The following PANK2 variants were observed in gnomAD, a reference collection of about 807,000 sequenced individuals.
The protein encoded by PANK2 is pantothenate kinase 2, mitochondrial.
Under a neutral mutation model 43.1 loss-of-function variants are expected in PANK2, and 36 were observed. That is an observed-to-expected ratio of 0.84 (90% CI 0.64 to 1.10). The LOEUF is 1.10. Among genes scored for constraint, PANK2 ranks in the 50% least tolerant of loss-of-function variants. The probability of loss-of-function intolerance (pLI) is 0.00; values close to 1 mark genes in which losing one functional copy is unlikely to be tolerated. For missense variants in PANK2, 576 were observed against 593.3 expected, an observed-to-expected ratio of 0.97 and a Z score of 0.30; for synonymous variants, 281 against 238.2, an observed-to-expected ratio of 1.18 and a Z score of -1.66.
chr20:3,903,001 AC>A (rs2090327016), intron 1 of PANK2, among the ~76,000 whole-genome samples: 1 of 150,266 alleles, frequency 6.7e-6, no homozygotes. Flanking sequence ...ACACACACAC[AC>A]ACACACACAC....
Position 3,910,793 on chromosome 20 carries a change from TA to T in PANK2, c.869del (p.Tyr290PhefsTer50). The T allele has an allele frequency of 2.5e-6, 4 of 1,614,178 alleles. No homozygotes were observed. The highest frequency in any genetic ancestry group is 3.4e-6 in the Non-Finnish European group (4 of 1,180,020). ...CTCAGGGGTTAGCATCTTAGCAGTA[TA>T]TTCCAAAGATAATTACAAACGGGTC... On this transcript the variant is annotated frameshift_variant, in exon 3 of 7. Transcript: ENST00000610179. LOFTEE classifies it high-confidence loss of function.
chr20:3,897,118 G>T lies in PANK2; in HGVS notation c.298+7390G>T, dbSNP rs8114089. Among the ~76,000 whole-genome samples the T allele has an allele frequency of 4.7e-3, 709 of 152,310 alleles. 4 individuals are homozygous for T. The highest frequency in any genetic ancestry group is 7.5e-3 in the Non-Finnish European group (511 of 68,042). ...TGCTGCAGAATTGGTTACTTGCTTT[G>T]TGTGTGGGCTCACAGAAGTCTTCTG... is the stretch of plus-strand genomic sequence containing the variant. On this transcript the variant is annotated intron_variant, in intron 1 of 6. Transcript: ENST00000610179.
Position 3,923,395 on chromosome 20 carries a change from A to G in PANK2, c.*101A>G. ...CAATTTCATGACTGTACTACCTGAA[A>G]CAAAGTGAGAAAGGACAGGTGTATT... On this transcript the variant is annotated 3_prime_UTR_variant, in exon 7 of 7. Transcript: ENST00000610179. 1 of 1,241,840 alleles carries G rather than the reference A, an allele frequency of 8.1e-7. No homozygotes were observed. The highest frequency in any genetic ancestry group is 1.2e-5 in the South Asian group (1 of 82,430). 76.9% of individuals were successfully genotyped at this position (1,241,840 alleles called of 1,614,324 possible).
rs981969968 is a variant in PANK2 at position 3,899,664 on chromosome 20, T to C, written c.299-8262T>C. Reference sequence around the variant, plus strand: ...GTTAGTGTTTTCGAAGTATGTGTTATGTGCATAAGGAACATGGCTATTACA... The same window carrying C: ...GTTAGTGTTTTCGAAGTATGTGTTACGTGCATAAGGAACATGGCTATTACA... On this transcript the variant is annotated intron_variant, in intron 1 of 6. Coordinates refer to ENST00000610179, the MANE Select transcript of PANK2 (RefSeq NM_001386393.1). Among the ~76,000 whole-genome samples, 66 of 151,822 alleles carry C rather than the reference T, an allele frequency of 4.3e-4. No homozygotes were observed. In the Middle Eastern group the frequency reaches 0.01, roughly 23 times the overall value.
Position 3,912,485 on chromosome 20 carries a change from C to T in PANK2, c.933C>T (p.Leu311=), listed in dbSNP as rs1241233168. The T allele has an allele frequency of 6.2e-7, 1 of 1,614,028 alleles. No individual in the cohort carries two copies. The highest frequency in any genetic ancestry group is 8.5e-7 in the Non-Finnish European group (1 of 1,179,992). Reference sequence around the variant, plus strand: ...TTGGAGGAGGAACTTTTTTTGGTCTCTGCTGTCTTCTTACTGGCTGTACCA... The same window carrying T: ...TTGGAGGAGGAACTTTTTTTGGTCTTTGCTGTCTTCTTACTGGCTGTACCA... Residue 311 remains leucine (L), a synonymous_variant, in exon 4 of 7, where the codon CTC becomes CTT. Coordinates refer to ENST00000610179, the MANE Select transcript of PANK2 (RefSeq NM_001386393.1).
At chr20:3,911,630 G>T (rs183648374) in intron 3 of PANK2, among the ~76,000 whole-genome samples, 24 of 151,464 alleles carry the variant, frequency 1.6e-4, no homozygotes, top group Admixed American at 5.9e-4. Flanking sequence ...GGCAGCTTAT[G>T]CCTGTAATCC....
rs1230737918 is a variant in PANK2 at position 3,900,026 on chromosome 20, CAT to C, written c.299-7899_299-7898del. ...GCCCATCAGTTGTACTTTTTATGCA[CAT>C]GAGAGAGTTTTTTTTTTGTCCCTTC... On this transcript the variant is annotated intron_variant, in intron 1 of 6. Transcript: ENST00000610179. Among the ~76,000 whole-genome samples, 4 of 151,834 alleles carry C rather than the reference CAT, an allele frequency of 2.6e-5. 1 individual carries two copies. The East Asian group carries it at 5.8e-4, about 22-fold the overall frequency.
upstream of PANK2, chr20:3,888,978 AGGAGG>A: frequency 1.3e-4 from 98 of 755,748 alleles, no homozygotes; most frequent in Admixed American, 4.1e-4. Context: ...GCTGGGCTGG[AGGAGG>A]GCTCGAGCTG....
chr20:3,894,834 C>G (rs1367243656), intron 1 of PANK2, among the ~76,000 whole-genome samples: 2 of 152,118 alleles, frequency 1.3e-5, no homozygotes, highest in Admixed American at 1.3e-4. Flanking sequence ...GACTAAAAAT[C>G]GTCCCCTTAT....
chr20:3,893,809 A>G (rs1194198204), intron 1 of PANK2, among the ~76,000 whole-genome samples: 1 of 151,900 alleles, frequency 6.6e-6, no homozygotes, highest in South Asian at 2.1e-4. Flanking sequence ...TAGGCTCAGC[A>G]TTTCAGCTTC....
intron 6 of PANK2, among the ~76,000 whole-genome samples, chr20:3,920,933 C>T (rs920396896): frequency 3.3e-5 from 5 of 152,202 alleles, no homozygotes; most frequent in East Asian, 1.9e-4. Context: ...CCTTATTGCT[C>T]GCTGACTTTG....
At position 3,902,972 on chromosome 20, in the gene PANK2, G is replaced by GACACACACACACACACACACACACACAC. The variant is rs11468265; in HGVS notation, c.299-4935_299-4908dup. Among the ~76,000 whole-genome samples the GACACACACACACACACACACACACACAC allele has an allele frequency of 8.4e-4, 119 of 141,424 alleles. 1 individual carries two copies. The highest frequency in any genetic ancestry group is 2.9e-3 in the African/African-American group (110 of 37,428). 92.8% of individuals were successfully genotyped at this position (141,424 alleles called of 152,430 possible). A position where few individuals can be genotyped will look rare whatever the true frequency, so the allele number is the denominator to read the frequency against. ...CCATGAGTTTCGACAGATGTGTATA[G>GACACACACACACACACACACACACACAC]ACACACACACACACACACACACACA... On this transcript the variant is annotated intron_variant, in intron 1 of 6. Transcript: ENST00000610179.
At chr20:3,921,206 C>G (rs1004726406) in intron 6 of PANK2, 1 of 146,448 alleles carries the variant, frequency 6.8e-6, no homozygotes, top group African/African-American at 2.5e-5. Context: ...CCCCCTCCCC[C>G]CACCCCATGG....
intron 2 of PANK2, among the ~76,000 whole-genome samples, chr20:3,910,304 T>G (rs927227282): frequency 2.0e-5 from 3 of 150,920 alleles, no homozygotes; most frequent in Non-Finnish European, 4.4e-5. Context: ...GGTTTTTTTT[T>G]TTTGTTTTTT....
At chr20:3,922,631 G>A (rs1186816103) in intron 6 of PANK2, among the ~76,000 whole-genome samples, 1 of 151,948 alleles carries the variant, frequency 6.6e-6, no homozygotes. Flanking sequence ...AGCTTCCCAT[G>A]TCCTGTAGGG....
At position 3,908,193 on chromosome 20, in the gene PANK2, G is replaced by T; in HGVS notation, c.566G>T (p.Gly189Val). ...GACATGCCTGCTTTTATTCAAATGG[G>T]CAGAGATAAAAACTTCTCGAGTCTC... Residue 189 changes from glycine to valine, a missense_variant, in exon 2 of 7, where the codon GGC becomes GTC. This residue lies in a region of PANK2 where 544 missense variants were observed against 528.9 expected (regional missense o/e 1.03). Transcript: ENST00000610179. 2 of 1,613,992 alleles carry T rather than the reference G, an allele frequency of 1.2e-6. No homozygotes were observed. The highest frequency in any genetic ancestry group is 1.7e-6 in the Non-Finnish European group (2 of 1,180,004).
rs201329683 is a variant in PANK2 at position 3,912,540 on chromosome 20, C to T, written c.988C>T (p.Arg330Cys). ...TGAAGAAGCTCTTGAAATGGCATCTCGTGGAGATAGCACCAAAGTGGATAA... is the reference window on the plus strand; with the variant it reads ...TGAAGAAGCTCTTGAAATGGCATCTTGTGGAGATAGCACCAAAGTGGATAA... Residue 330 changes from arginine (R) to cysteine (C), a missense_variant, in exon 4 of 7, where the codon CGT (arginine) becomes TGT (cysteine). Arg to Cys is a radical substitution (Grantham distance 180, BLOSUM62 -3). Around this residue, in one of 2 missense-constraint regions of PANK2, gnomAD observed 544 missense variants for 528.9 expected, o/e 1.03. Coordinates refer to ENST00000610179, the MANE Select transcript of PANK2 (RefSeq NM_001386393.1). 3.5e-5 allele frequency: 56 copies of T among 1,613,936 alleles called. No homozygotes were observed. The highest frequency in any genetic ancestry group is 4.1e-5 in the Non-Finnish European group (48 of 1,180,036).
Position 3,889,778 on chromosome 20 carries a change from G to A in PANK2, c.298+50G>A, listed in dbSNP as rs760409499. 2.7e-5 allele frequency: 40 copies of A among 1,502,944 alleles called. 2 individuals carry two copies. In the South Asian group the frequency reaches 4.4e-4, roughly 17 times the overall value. 93.1% of individuals were successfully genotyped at this position (1,502,944 alleles called of 1,614,324 possible). A position where few individuals can be genotyped will look rare whatever the true frequency, so the allele number is the denominator to read the frequency against. ...CCGGCCCGCCCTGCCCCCCCTTCCG[G>A]CCCACCCTGTCCCCTTCCGGCCCCG... is the stretch of plus-strand genomic sequence containing the variant. On this transcript the variant is annotated intron_variant, in intron 1 of 6. Coordinates refer to ENST00000610179, the MANE Select transcript of PANK2 (RefSeq NM_001386393.1).
At chr20:3,900,056 AATGCTTTTTT>A (rs1188907031) in intron 1 of PANK2, among the ~76,000 whole-genome samples, 1 of 150,682 alleles carries the variant, frequency 6.6e-6, no homozygotes, top group Non-Finnish European at 1.5e-5. Context: ...GTCCCTTCTT[AATGCTTTTTT>A]GTTTGTGTTG....
Sources: gnomAD v4.1 joint callset for allele counts (sites outside exome capture counted in the v4.1 genomes callset) on GRCh38, gnomAD v4.1.1 for gene constraint, gnomAD v4.1.1 regional missense constraint, MANE v1.5 for transcripts, NCBI Gene and HGNC (gene_info 2026-07-23, HGNC 2026-07-21) for gene names.